Variants in CSMD1 observed in about 807,000 individuals in gnomAD.
CSMD1 encodes the protein CUB and Sushi multiple domains 1.
A neutral mutation model predicts 417.5 loss-of-function variants in CSMD1; 213 were observed. The ratio of observed to expected loss-of-function variants is 0.51; its 90% CI spans 0.46 to 0.57. CSMD1 has a LOEUF of 0.57. CSMD1 is among the 20% of genes least tolerant of loss of function. CSMD1 has a pLI of 0.00. For synonymous variants in CSMD1, 2,862 were observed against 1,736.8 expected (o/e 1.65, Z -16.11); for missense variants, 6,923 against 4,529.7 (o/e 1.53, Z -15.17).
At chr8:4,241,498 A>G (rs1351107032) in intron 3 of CSMD1, among the ~76,000 whole-genome samples, 1 of 152,118 alleles carries the variant, frequency 6.6e-6, no homozygotes, top group Non-Finnish European at 1.5e-5. Context: ...TGTGTCTTTG[A>G]ATGTCTGTGC....
chr8:3,862,167 C>A (rs979249528), intron 5 of CSMD1, among the ~76,000 whole-genome samples: 1 of 150,690 alleles, frequency 6.6e-6, no homozygotes, highest in African/African-American at 2.4e-5. Context: ...TGCCTTCTAC[C>A]TATACAACAT....
chr8:3,933,177 C>T (rs945721612), intron 5 of CSMD1, among the ~76,000 whole-genome samples: 2 of 135,634 alleles, frequency 1.5e-5, no homozygotes, highest in African/African-American at 5.5e-5. Context: ...CGTGGTAATA[C>T]CTAGTGAATC....
At chr8:4,122,304 C>G (rs184206227) in intron 3 of CSMD1, among the ~76,000 whole-genome samples, 1 of 152,106 alleles carries the variant, frequency 6.6e-6, no homozygotes, top group Non-Finnish European at 1.5e-5. Context: ...CATAAGACAG[C>G]TTTGATGACC....
At chr8:3,126,580 G>T (rs937058767) in intron 41 of CSMD1, among the ~76,000 whole-genome samples, 2 of 152,152 alleles carry the variant, frequency 1.3e-5, no homozygotes, top group Non-Finnish European at 2.9e-5. Flanking sequence ...AATTTCCCAA[G>T]TGCACACATA....
intron 1 of CSMD1, among the ~76,000 whole-genome samples, chr8:4,669,459 G>T (rs555092279): frequency 1.3e-5 from 2 of 152,106 alleles, no homozygotes; most frequent in Non-Finnish European, 2.9e-5. Context: ...ACAACTACTT[G>T]GAACTCAGGA....
At position 4,435,014 on chromosome 8, in the gene CSMD1, G is replaced by A. The variant is rs184726639; in HGVS notation, c.303-14949C>T. On this transcript the variant is annotated intron_variant, in intron 2 of 69. Coordinates refer to ENST00000635120, the MANE Select transcript of CSMD1 (RefSeq NM_033225.6). ...TTGCATACTTTTGTCTACTCTTGGA[G>A]ACATTTAAGAAGCCAATACTGTTGA... 2.7e-3 allele frequency among the ~76,000 whole-genome samples: 416 copies of A among 152,206 alleles called. 6 individuals are homozygous for A. The highest frequency in any genetic ancestry group is 7.1e-4 in the Non-Finnish European group (48 of 68,008).
intron 1 of CSMD1, among the ~76,000 whole-genome samples, chr8:4,774,037 A>C (rs1187227881): frequency 6.6e-6 from 1 of 152,078 alleles, no homozygotes. Flanking sequence ...CTCTACTAAA[A>C]ATACAAAATA....
chr8:3,009,663 C>T (rs749055536), intron 52 of CSMD1, among the ~76,000 whole-genome samples: 15 of 151,848 alleles, frequency 9.9e-5, no homozygotes, highest in Non-Finnish European at 2.1e-4. Context: ...TTTTTGCCTC[C>T]AAGTGCAATC....
At chr8:4,220,810 G>C (rs779328667) in intron 3 of CSMD1, among the ~76,000 whole-genome samples, 4 of 152,226 alleles carry the variant, frequency 2.6e-5, no homozygotes, top group Admixed American at 1.3e-4. Context: ...ACGCAGCTCA[G>C]GTAAGACACC....
chr8:3,154,955 G>A (rs1237578394), intron 39 of CSMD1, among the ~76,000 whole-genome samples: 1 of 152,060 alleles, frequency 6.6e-6, no homozygotes, highest in East Asian at 1.9e-4. Context: ...ACTAGAATCT[G>A]TCTTTGAGAT....
intron 3 of CSMD1, among the ~76,000 whole-genome samples, chr8:4,358,193 T>A (rs747967074): frequency 2.7e-5 from 4 of 149,956 alleles, no homozygotes; most frequent in Non-Finnish European, 6.0e-5. Flanking sequence ...CAGGGATGAA[T>A]GTCTTCTGGG....
chr8:4,130,797 C>T (rs1201451981), intron 3 of CSMD1, among the ~76,000 whole-genome samples: 2 of 151,590 alleles, frequency 1.3e-5, no homozygotes, highest in African/African-American at 4.8e-5. Flanking sequence ...TCAATGCTTA[C>T]AAATTATATA....
intron 5 of CSMD1, among the ~76,000 whole-genome samples, chr8:3,997,021 A>G (rs988090879): frequency 6.6e-6 from 1 of 152,212 alleles, no homozygotes; most frequent in African/African-American, 2.4e-5. Flanking sequence ...CTTCCTACTC[A>G]TAAATGGCCA....
rs115187256 is a variant in CSMD1 at position 4,720,898 on chromosome 8, G to C, written c.86-83340C>G. On this transcript the variant is annotated intron_variant, in intron 1 of 69. Coordinates refer to ENST00000635120, the MANE Select transcript of CSMD1 (RefSeq NM_033225.6). ...GCCGTCTCTGGTACAAACATACCTG[G>C]TGACCTTGATCAAACATCTTAACTT... is the stretch of plus-strand genomic sequence containing the variant. Among the ~76,000 whole-genome samples the C allele has an allele frequency of 3.1e-3, 471 of 152,226 alleles. 2 individuals are homozygous for C. Among genetic ancestry groups the C allele is most frequent in the African/African-American group, 0.011 (458 of 41,532 alleles).
intron 5 of CSMD1, among the ~76,000 whole-genome samples, chr8:3,951,243 C>A (rs775553751): frequency 6.6e-6 from 1 of 152,150 alleles, no homozygotes; most frequent in Non-Finnish European, 1.5e-5. Context: ...ACGGGTCTGA[C>A]GGTGACTGAG....
chr8:4,431,365 T>G (rs1405690768), intron 2 of CSMD1, among the ~76,000 whole-genome samples: 1 of 152,138 alleles, frequency 6.6e-6, no homozygotes, highest in African/African-American at 2.4e-5. Context: ...AACCAATAGT[T>G]GGGAGGAATT....
chr8:3,525,880 G>A (rs1275433802), intron 10 of CSMD1, among the ~76,000 whole-genome samples: 3 of 152,076 alleles, frequency 2.0e-5, no homozygotes, highest in East Asian at 1.9e-4. Context: ...TTATTAACTT[G>A]ATCTGTATAA....
intron 2 of CSMD1, among the ~76,000 whole-genome samples, chr8:4,445,862 C>T (rs888606979): frequency 3.3e-5 from 5 of 152,192 alleles, no homozygotes; most frequent in Non-Finnish European, 7.3e-5. Context: ...CAGAAGTGTT[C>T]TCCCGCTGGA....
At chr8:4,897,984 A>T (rs1295141308) in intron 1 of CSMD1, among the ~76,000 whole-genome samples, 1 of 152,132 alleles carries the variant, frequency 6.6e-6, no homozygotes, top group East Asian at 1.9e-4. Flanking sequence ...ATCCCGGGCT[A>T]CTTTCTTTTA....
Sources: gnomAD v4.1 joint callset for allele counts (sites outside exome capture counted in the v4.1 genomes callset) on GRCh38, gnomAD v4.1.1 for gene constraint, MANE v1.5 for transcripts, NCBI Gene and HGNC (gene_info 2026-07-23, HGNC 2026-07-21) for gene names.